The following SLC38A5 variants were observed in gnomAD, a reference collection of about 807,000 sequenced individuals.
The protein encoded by SLC38A5 is sodium-coupled neutral amino acid transporter 5.
SLC38A5 carries 9 observed loss-of-function variants against 34.6 expected under a neutral mutation model. That is an observed-to-expected ratio of 0.26 (90% CI 0.16 to 0.45). The LOEUF (loss-of-function observed/expected upper bound fraction) is 0.45. Ranked by LOEUF, SLC38A5 falls within the 20% of genes least tolerant of loss-of-function variation. SLC38A5 has a pLI of 1.00. For synonymous variants in SLC38A5, 157 were observed against 155.6 expected, an observed-to-expected ratio of 1.01 and a Z score of -0.07; for missense variants, 253 against 394.7, an observed-to-expected ratio of 0.64 and a Z score of 3.04.
Position 48,470,181 on chromosome X carries a change from C to T in SLC38A5, c.-104+1G>A, listed in dbSNP as rs1212536553. On this transcript the variant is annotated splice_donor_variant, in intron 1 of 16. Coordinates refer to ENST00000620913, the MANE Select transcript of SLC38A5 (RefSeq NM_033518.4). LOFTEE classifies it low-confidence loss of function (5UTR_SPLICE). ...TAGTAGCCAGGCTATTCCAGGCAGA[C>T]CTCAGGCAGACAGCCTAGGCACGAG... 2 of 111,970 alleles carry T rather than the reference C, an allele frequency of 1.8e-5. No homozygotes were observed. Among genetic ancestry groups the T allele is most frequent in the African/African-American group, 6.5e-5 (2 of 30,658 alleles). The allele number at this position is 111,970 out of a possible 1,213,427, so 9.2% of individuals were successfully genotyped here.
chrX:48,466,788 C>T lies in SLC38A5; in HGVS notation c.319+11G>A. The T allele has an allele frequency of 8.4e-7, 1 of 1,191,081 alleles. No individual in the cohort carries two copies. On this transcript the variant is annotated intron_variant, in intron 6 of 16. Transcript: ENST00000620913. Reference sequence around the variant, plus strand: ...TGGAGTGGGGACTGGGATCCAGGCTCTGGGTCTCACCTGCAATACCAGCAC... The same window carrying T: ...TGGAGTGGGGACTGGGATCCAGGCTTTGGGTCTCACCTGCAATACCAGCAC...
In SLC38A5 at chrX:48,464,722, G is replaced by A. The variant is rs190762168; in HGVS notation, c.491+1293C>T. On this transcript the variant is annotated intron_variant, in intron 8 of 16. Coordinates refer to ENST00000620913, the MANE Select transcript of SLC38A5 (RefSeq NM_033518.4). ...GGAGGTTGCAGTGAGCCAAGATGGC[G>A]CCACTGCACTCCAGCCTGGGCAACA... 3.5e-3 allele frequency among the ~76,000 whole-genome samples: 394 copies of A among 111,929 alleles called. 1 individual carries two copies. The highest frequency in any genetic ancestry group is 6.0e-3 in the Non-Finnish European group (321 of 53,146).
chrX:48,467,637 G>T, intron 4 of SLC38A5, 73 bp downstream of exon 4: 1 of 1,032,270 alleles, frequency 9.7e-7, no homozygotes, highest in Non-Finnish European at 1.3e-6. Context: ...GGAGGAGTGG[G>T]GAAGAGGGAG....
chrX:48,464,800 G>A (rs1556962814), intron 8 of SLC38A5, among the ~76,000 whole-genome samples: 2 of 110,288 alleles, frequency 1.8e-5, no homozygotes, highest in African/African-American at 3.3e-5. Flanking sequence ...CGAGCATGGT[G>A]GTGCATGCCT....
intron 4 of SLC38A5, 49 bp downstream of exon 4, chrX:48,467,661 G>A (rs2061488390): frequency 4.4e-6 from 5 of 1,146,814 alleles, no homozygotes; most frequent in African/African-American, 1.8e-5. Context: ...TGCGGGAGGA[G>A]ATTAGCTGGG....
chrX:48,459,906 C>G, intron 14 of SLC38A5, 30 bp from the exon 15 acceptor site: 1 of 1,191,092 alleles, frequency 8.4e-7, no homozygotes, highest in Non-Finnish European at 1.1e-6. Flanking sequence ...GGACAGAAGT[C>G]AGGACCCAAG....
chrX:48,466,463 T>C, intron 6 of SLC38A5, 141 bp from the exon 7 acceptor site: 1 of 592,409 alleles, frequency 1.7e-6, no homozygotes, highest in South Asian at 2.9e-5. Flanking sequence ...GGTTAAGCAG[T>C]TGGGCTTGAG....
chrX:48,461,683 G>A (rs782225155), intron 12 of SLC38A5, 35 bp downstream of exon 12: 54 of 1,158,858 alleles, frequency 4.7e-5, no homozygotes, highest in Non-Finnish European at 6.3e-5. Flanking sequence ...CCACTTGCTG[G>A]CCCATCATTC....
Position 48,458,691 on chromosome X carries a change from T to A in SLC38A5, c.*242A>T, listed in dbSNP as rs1602018253. 2 of 987,909 alleles carry A rather than the reference T, an allele frequency of 2.0e-6. No individual in the cohort carries two copies. The allele number at this position is 987,909 out of a possible 1,213,427, so 81.4% of individuals were successfully genotyped here. A position where few individuals can be genotyped will look rare whatever the true frequency, so the allele number is the denominator to read the frequency against. On this transcript the variant is annotated 3_prime_UTR_variant, in exon 17 of 17. Coordinates refer to ENST00000620913, the MANE Select transcript of SLC38A5 (RefSeq NM_033518.4). ...CTCCTCCTCCTCCTCCTCCTCCTCCTCCTCTTCTTCCTCCTCCTCCTCCTC... is the reference window on the plus strand; with the variant it reads ...CTCCTCCTCCTCCTCCTCCTCCTCCACCTCTTCTTCCTCCTCCTCCTCCTC...
intron 1 of SLC38A5, 61 bp from the exon 2 acceptor site, chrX:48,469,497 G>A (rs1556964494): frequency 9.0e-6 from 1 of 111,226 alleles, no homozygotes; most frequent in African/African-American, 3.3e-5. Context: ...CGGGGGAAGA[G>A]GTGGAGAAGG....
rs190248212 is a variant in SLC38A5 at position 48,463,975 on chromosome X, G to A, written c.492-995C>T. On this transcript the variant is annotated intron_variant, in intron 8 of 16. Transcript: ENST00000620913. ...GCCAGACACAAAGAGAGTGAGTCAC[G>A]ATCGTGGTATGTCTGACAGGTAGAG... 1.3e-3 allele frequency among the ~76,000 whole-genome samples: 143 copies of A among 111,699 alleles called. 2 individuals carry two copies. Among genetic ancestry groups the A allele is most frequent in the African/African-American group, 4.2e-3 (128 of 30,818 alleles).
Position 48,467,931 on chromosome X carries a change from G to C in SLC38A5, c.-1-6C>G, listed in dbSNP as rs782798657. On this transcript the variant is annotated splice_region_variant and splice_polypyrimidine_tract_variant and intron_variant, in intron 2 of 16. Transcript: ENST00000620913. ...TTGGATCCTGCAGTTCCATCCTGTG[G>C]GCAAAGAAATGGGGTGGGGGGATCA... The C allele has an allele frequency of 8.3e-7, 1 of 1,201,863 alleles. No individual in the cohort carries two copies. Among genetic ancestry groups the C allele is most frequent in the Non-Finnish European group, 1.1e-6 (1 of 890,061 alleles).
At chrX:48,469,038 T>C (rs1220920179) in intron 2 of SLC38A5, 1 of 750,828 alleles carries the variant, frequency 1.3e-6, no homozygotes, top group Non-Finnish European at 1.6e-6. Flanking sequence ...AGGTCCCCAT[T>C]AGAGCTCAAA....
Position 48,458,851 on chromosome X carries a change from A to G in SLC38A5, c.*82T>C, listed in dbSNP as rs2061416234. 1.8e-6 allele frequency: 2 copies of G among 1,109,498 alleles called. No homozygotes were observed. The highest frequency in any genetic ancestry group is 2.5e-4 in the Middle Eastern group (1 of 4,064). 91.4% of individuals were successfully genotyped at this position (1,109,498 alleles called of 1,213,427 possible). A position where few individuals can be genotyped will look rare whatever the true frequency, so the allele number is the denominator to read the frequency against. Reference sequence around the variant, plus strand: ...GTTCATGGGAACCAGCCACCTCCACATGTTGGGCAGGAGGGACCCTAGGGA... The same window carrying G: ...GTTCATGGGAACCAGCCACCTCCACGTGTTGGGCAGGAGGGACCCTAGGGA... On this transcript the variant is annotated 3_prime_UTR_variant, in exon 17 of 17. Coordinates refer to ENST00000620913, the MANE Select transcript of SLC38A5 (RefSeq NM_033518.4).
At chrX:48,465,514 AC>A (rs2147070820) in intron 8 of SLC38A5, among the ~76,000 whole-genome samples, 1 of 112,384 alleles carries the variant, frequency 8.9e-6, no homozygotes, top group African/African-American at 3.2e-5. Context: ...TCACACACTC[AC>A]AGCTAGACAG....
chrX:48,460,969 G>C lies in SLC38A5; in HGVS notation c.952+17C>G. The C allele has an allele frequency of 4.6e-6, 4 of 863,718 alleles. No individual in the cohort carries two copies. The highest frequency in any genetic ancestry group is 6.7e-6 in the Non-Finnish European group (4 of 593,621). The allele number at this position is 863,718 out of a possible 1,213,427, so 71.2% of individuals were successfully genotyped here. On this transcript the variant is annotated intron_variant, in intron 13 of 16. Coordinates refer to ENST00000620913, the MANE Select transcript of SLC38A5 (RefSeq NM_033518.4). ...GGCCTTCCCCCTCCCCCCAGCCCTA[G>C]CCCCAGCCCCACTCACTGTAGAAGG... is the stretch of plus-strand genomic sequence containing the variant.
intron 2 of SLC38A5, chrX:48,468,272 G>C: frequency 1.1e-6 from 1 of 896,259 alleles, no homozygotes; most frequent in Non-Finnish European, 1.4e-6. Context: ...ACGTGGAGAA[G>C]GGATAGCCTC....
At chrX:48,468,369 T>G (rs781928484) in intron 2 of SLC38A5, 2 of 740,442 alleles carry the variant, frequency 2.7e-6, no homozygotes, top group Non-Finnish European at 3.2e-6. Flanking sequence ...TCTCCTTCCC[T>G]CCACCCTCAC....
rs1368670192 is a variant in SLC38A5, at chrX:48,462,101, T to C, written c.677A>G (p.Asn226Ser). Residue 226 changes from asparagine to serine, a missense_variant, in exon 11 of 17, where the codon AAT (asparagine) becomes AGT (serine). Physicochemically the swap from Asn to Ser is conservative, Grantham distance 46. Around this residue, in one of 3 missense-constraint regions of SLC38A5, gnomAD observed 176 missense variants for 273.0 expected, o/e 0.64. Coordinates refer to ENST00000620913, the MANE Select transcript of SLC38A5 (RefSeq NM_033518.4). The part of the protein sequence containing the change: ...KFQLGCAIGH[N>S]ETAMESEALV... The stretch of plus-strand genomic sequence containing the variant: ...AGCTTCACTCTCCATTGCTGTTTCA[T>C]TGTGGCCTATAGCACAGCCAAGTTG... The C allele has an allele frequency of 2.5e-6, 3 of 1,189,877 alleles. No homozygotes were observed. Among genetic ancestry groups the C allele is most frequent in the African/African-American group, 3.5e-5 (2 of 57,273 alleles).
Sources: allele counts gnomAD v4.1 joint callset (sites outside exome capture counted in the v4.1 genomes callset), GRCh38; gene constraint gnomAD v4.1.1; regional missense constraint gnomAD v4.1.1; transcripts MANE v1.5; gene names NCBI Gene and HGNC (gene_info 2026-07-23, HGNC 2026-07-21).